STK32B: variants seen among roughly 807,000 people sequenced by gnomAD.
STK32B encodes the protein serine/threonine kinase 32B.
Under a neutral mutation model 52.6 loss-of-function variants are expected in STK32B, and 43 were observed. That is an observed-to-expected ratio of 0.82 (90% CI 0.64 to 1.05). STK32B has a LOEUF of 1.05. Among genes scored for constraint, STK32B ranks in the 50% least tolerant of loss-of-function variants. The pLI, the probability that STK32B is intolerant of heterozygous loss-of-function variation, is 0.00. For synonymous variants in STK32B, 238 were observed against 204.3 expected (o/e 1.17, Z -1.41); for missense variants, 621 against 534.6 (o/e 1.16, Z -1.59).
chr4:5,245,762 G>C (rs946029310), intron 3 of STK32B, among the ~76,000 whole-genome samples: 1 of 152,178 alleles, frequency 6.6e-6, no homozygotes, highest in Non-Finnish European at 1.5e-5. Flanking sequence ...TTTTAGGGCA[G>C]GCCTGGTGGT....
chr4:5,020,727 A>T, the STK32B span, among the ~76,000 whole-genome samples: 3 of 105,392 alleles, frequency 2.8e-5, no homozygotes, highest in African/African-American at 9.4e-5. Context: ...ACAAGCAAGA[A>T]GGAACTGTCA....
At chr4:5,046,224 C>T in the STK32B span, among the ~76,000 whole-genome samples, 1 of 152,078 alleles carries the variant, frequency 6.6e-6, no homozygotes, top group Admixed American at 6.6e-5. Flanking sequence ...CATCTACAAC[C>T]ACCTAATTTT....
chr4:5,435,151 A>T (rs985874464), intron 6 of STK32B, among the ~76,000 whole-genome samples: 6 of 152,252 alleles, frequency 3.9e-5, no homozygotes, highest in African/African-American at 1.4e-4. Flanking sequence ...CCAATGGCTG[A>T]TAAATAGATT....
intron 3 of STK32B, among the ~76,000 whole-genome samples, chr4:5,182,406 A>T (rs1397329809): frequency 2.0e-5 from 3 of 152,190 alleles, no homozygotes; most frequent in Non-Finnish European, 2.9e-5. Context: ...GCCCAGATCC[A>T]TCAGCAGAAT....
rs143124790 is a variant in STK32B at position 5,279,110 on chromosome 4, G to A, written c.261-52110G>A. Among the ~76,000 whole-genome samples the A allele has an allele frequency of 8.6e-3, 1,316 of 152,164 alleles. 18 individuals are homozygous for A. Among genetic ancestry groups the A allele is most frequent in the African/African-American group, 0.029 (1,212 of 41,488 alleles). On this transcript the variant is annotated intron_variant, in intron 3 of 11. Transcript: ENST00000282908. ...ATTTCAAAACCAATCATGCCTTGCC[G>A]ACAGTCCCCGAAAGTCTTAACTCAT... is the stretch of plus-strand genomic sequence containing the variant.
chr4:5,240,225 T>C (rs907027212), intron 3 of STK32B, among the ~76,000 whole-genome samples: 1 of 152,186 alleles, frequency 6.6e-6, no homozygotes, highest in African/African-American at 2.4e-5. Flanking sequence ...TAGTATTCTG[T>C]CATCCCCGAG....
intron 9 of STK32B, among the ~76,000 whole-genome samples, chr4:5,462,947 G>A (rs1412513313): frequency 6.6e-6 from 1 of 152,336 alleles, no homozygotes. Context: ...GCCCTCGGAA[G>A]GAGACCCGCA....
intron 6 of STK32B, among the ~76,000 whole-genome samples, chr4:5,438,785 A>C (rs1401724515): frequency 1.3e-5 from 2 of 152,086 alleles, no homozygotes; most frequent in Non-Finnish European, 2.9e-5. Context: ...CCAGAGTATG[A>C]TATTCCCCTT....
At chr4:5,404,566 A>G (rs1737526337) in intron 5 of STK32B, among the ~76,000 whole-genome samples, 1 of 152,098 alleles carries the variant, frequency 6.6e-6, no homozygotes, top group Non-Finnish European at 1.5e-5. Context: ...ACATTCATTC[A>G]TTCACTAGAC....
chr4:5,203,598 C>T (rs1266029516), intron 3 of STK32B, among the ~76,000 whole-genome samples: 3 of 152,178 alleles, frequency 2.0e-5, no homozygotes, highest in Non-Finnish European at 4.4e-5. Flanking sequence ...TCCAAGAGGA[C>T]ATGTTCCTTT....
chr4:5,148,322 G>A (rs1717082529), intron 2 of STK32B, among the ~76,000 whole-genome samples: 2 of 151,642 alleles, frequency 1.3e-5, no homozygotes, highest in South Asian at 4.2e-4. Flanking sequence ...AGCTCTTCAA[G>A]ATAGAACCTT....
intron 6 of STK32B, chr4:5,437,889 A>G: frequency 1.0e-6 from 1 of 983,470 alleles, no homozygotes; most frequent in East Asian, 1.1e-4. Context: ...TTTTGGTGGC[A>G]TAGGGATTAT....
At chr4:5,136,312 C>G (rs1162378059) in intron 1 of STK32B, among the ~76,000 whole-genome samples, 1 of 152,246 alleles carries the variant, frequency 6.6e-6, no homozygotes, top group East Asian at 1.9e-4. Context: ...GACACTGACA[C>G]TCCTTTGCCT....
At chr4:5,186,465 C>G (rs1179393315) in intron 3 of STK32B, among the ~76,000 whole-genome samples, 1 of 152,200 alleles carries the variant, frequency 6.6e-6, no homozygotes. Context: ...GACAGTTCCT[C>G]CCTGTCTTAC....
At chr4:5,181,333 C>CAA (rs1553845979) in intron 3 of STK32B, among the ~76,000 whole-genome samples, 1 of 134,124 alleles carries the variant, frequency 7.5e-6, no homozygotes, top group African/African-American at 2.7e-5. Context: ...GAGTGAGACA[C>CAA]ACACACACAC....
the STK32B span, among the ~76,000 whole-genome samples, chr4:5,040,459 T>C: frequency 6.8e-6 from 1 of 148,128 alleles, no homozygotes; most frequent in Admixed American, 6.9e-5. Context: ...AGTGGCACGA[T>C]CTTGGCTCAC....
intron 3 of STK32B, among the ~76,000 whole-genome samples, chr4:5,195,682 C>T (rs1237259802): frequency 6.6e-6 from 1 of 152,138 alleles, no homozygotes; most frequent in Non-Finnish European, 1.5e-5. Context: ...CAGAGTGAGA[C>T]TCCGTCTCAA....
intron 3 of STK32B, among the ~76,000 whole-genome samples, chr4:5,274,953 T>A (rs956861866): frequency 6.6e-6 from 1 of 152,210 alleles, no homozygotes; most frequent in Non-Finnish European, 1.5e-5. Context: ...GCTAAGTGCC[T>A]GGGTTCATCC....
chr4:5,381,869 G>T (rs1251679103), intron 4 of STK32B, among the ~76,000 whole-genome samples: 1 of 152,102 alleles, frequency 6.6e-6, no homozygotes, highest in Non-Finnish European at 1.5e-5. Flanking sequence ...CAGGATGTGT[G>T]CGTATGAAGG....
Sources: allele counts gnomAD v4.1 joint callset (sites outside exome capture counted in the v4.1 genomes callset), GRCh38; gene constraint gnomAD v4.1.1; transcripts MANE v1.5; gene names NCBI Gene and HGNC (gene_info 2026-07-23, HGNC 2026-07-21).